The following FRYL variants were observed in gnomAD, a reference collection of about 807,000 sequenced individuals.
FRYL encodes FRY like transcription coactivator.
Under a neutral mutation model 351.2 loss-of-function variants are expected in FRYL, and 150 were observed. The observed-to-expected ratio is 0.43, with a 90% CI of 0.37 to 0.49. The LOEUF is 0.49. Among genes scored for constraint, FRYL ranks in the 20% least tolerant of loss-of-function variants. The pLI is 0.00. For synonymous variants in FRYL, 1,153 were observed against 1,257.1 expected (o/e 0.92, Z 1.75); for missense variants, 3,036 against 3,619.3 (o/e 0.84, Z 4.13).
chr4:48,596,112 T>C, intron 13 of FRYL, 112 bp from the exon 14 acceptor site: 1 of 684,718 alleles, frequency 1.5e-6, no homozygotes, highest in Non-Finnish European at 2.5e-6. Flanking sequence ...CAGTCTAAAA[T>C]AGGTTTAAAT....
At chr4:48,537,640 C>T (rs1729185631) in intron 47 of FRYL, among the ~76,000 whole-genome samples, 2 of 152,106 alleles carry the variant, frequency 1.3e-5, no homozygotes. Flanking sequence ...GTGTGCTGTC[C>T]AACAGGAAGA....
intron 26 of FRYL, chr4:48,571,900 A>T: frequency 1.0e-6 from 1 of 985,182 alleles, no homozygotes; most frequent in Non-Finnish European, 1.2e-6. Context: ...TTCCTTCTGA[A>T]ATTCAGAAGA....
At chr4:48,582,474 G>T in intron 20 of FRYL, 23 bp downstream of exon 20, 1 of 1,465,682 alleles carries the variant, frequency 6.8e-7, no homozygotes, top group Non-Finnish European at 9.6e-7. Context: ...CATACAAAAG[G>T]ACAATAGAAA....
chr4:48,634,517 C>T (rs1263791513), intron 3 of FRYL, 27 bp from the exon 4 acceptor site: 5 of 1,572,858 alleles, frequency 3.2e-6, no homozygotes, highest in Middle Eastern at 1.8e-4. Context: ...CAAAAGAACT[C>T]TACTTTAATA....
At chr4:48,678,557 C>G (rs1056432684) in intron 3 of FRYL, among the ~76,000 whole-genome samples, 1 of 138,710 alleles carries the variant, frequency 7.2e-6, no homozygotes, top group Non-Finnish European at 1.6e-5. Flanking sequence ...TTGATCAGTA[C>G]AAGTACATTG....
chr4:48,591,392 T>C (rs1743210123), intron 16 of FRYL, among the ~76,000 whole-genome samples: 1 of 152,176 alleles, frequency 6.6e-6, no homozygotes, highest in Non-Finnish European at 1.5e-5. Flanking sequence ...ACTGAATATA[T>C]CCCCTTTCTC....
chr4:48,499,470 A>C lies in FRYL; in HGVS notation c.8994T>G (p.Leu2998=), dbSNP rs1719058672. 3.7e-6 allele frequency: 6 copies of C among 1,613,844 alleles called. No individual in the cohort carries two copies. The highest frequency in any genetic ancestry group is 1.3e-5 in the African/African-American group (1 of 74,936). The change falls in exon 64 of 64, where the codon CTT becomes CTG. Residue 2998 remains leucine (L), a synonymous_variant. Coordinates refer to ENST00000358350, the MANE Select transcript of FRYL (RefSeq NM_015030.2). ...TTCCCATTGGTTTGGCCTGTGCTAG[A>C]AGTTGGTATGATTGCACCATGCGTA... ...ESLRMVQSYQ[L]LAQAKPMGNM...
chr4:48,505,371 C>G, intron 60 of FRYL, 176 bp downstream of exon 60: 2 of 577,798 alleles, frequency 3.5e-6, no homozygotes, highest in Non-Finnish European at 3.2e-6. Context: ...GTGAATTTTT[C>G]ATTATGAAAC....
Position 48,582,655 on chromosome 4 carries a change from A to C in FRYL, c.1828T>G (p.Trp610Gly). ...AATCCTGAAAGAACATCCTCCCGCC[A>C]ATCTGGAAAATCAAGCATTAGTGCC... ...LQALMLDFPD[W>G]REDVLSGFVY... is the part of the protein sequence containing the mutation. Residue 610 changes from tryptophan to glycine, a missense_variant, in exon 20 of 64, where the codon TGG (tryptophan) becomes GGG (glycine). Physicochemically the swap from Trp to Gly is radical, Grantham distance 184 (BLOSUM62 -2). Coordinates refer to ENST00000358350, the MANE Select transcript of FRYL (RefSeq NM_015030.2). 1 of 1,614,120 alleles carries C rather than the reference A, an allele frequency of 6.2e-7. No individual in the cohort carries two copies.
At chr4:48,624,622 A>T (rs1712772) in intron 4 of FRYL, among the ~76,000 whole-genome samples, 62,825 of 152,040 alleles carry the variant, frequency 0.41, 14,278 homozygotes, top group Admixed American at 0.56. Context: ...AGTAAAGAAA[A>T]TCTTGGACAA....
At chr4:48,647,119 T>C (rs1386768386) in intron 3 of FRYL, among the ~76,000 whole-genome samples, 1 of 152,076 alleles carries the variant, frequency 6.6e-6, no homozygotes, top group African/African-American at 2.4e-5. Flanking sequence ...TAATTACAGA[T>C]GGAGGCTTTG....
At chr4:48,663,073 CTTTTTGTTTCTCA>C (rs1761091939) in intron 3 of FRYL, among the ~76,000 whole-genome samples, 1 of 151,942 alleles carries the variant, frequency 6.6e-6, no homozygotes, top group Non-Finnish European at 1.5e-5. Flanking sequence ...AGTTAAAATA[CTTTTTGTTTCTCA>C]TTTTAAATGT....
At chr4:48,778,091 G>A (rs1776216215) in intron 1 of FRYL, among the ~76,000 whole-genome samples, 2 of 152,154 alleles carry the variant, frequency 1.3e-5, no homozygotes, top group Admixed American at 6.5e-5. Flanking sequence ...CGGCTACTAC[G>A]GAGCCTGGGG....
At chr4:48,520,970 TGAAAGAAAAG>T in intron 55 of FRYL, 68 bp downstream of exon 55, 1 of 1,064,868 alleles carries the variant, frequency 9.4e-7, no homozygotes, top group Non-Finnish European at 1.3e-6. Context: ...AAAACTTTTT[TGAAAGAAAAG>T]CGGGAGCTAT....
chr4:48,604,095 C>G (rs978162696), intron 11 of FRYL, among the ~76,000 whole-genome samples: 1 of 152,198 alleles, frequency 6.6e-6, no homozygotes, highest in Non-Finnish European at 1.5e-5. Context: ...ATTTTATACA[C>G]TAGTTTATTT....
chr4:48,635,161 G>C (rs1283048138), intron 3 of FRYL, among the ~76,000 whole-genome samples: 1 of 152,204 alleles, frequency 6.6e-6, no homozygotes, highest in East Asian at 1.9e-4. Flanking sequence ...GCAAGTCACA[G>C]AAGATCTTTA....
intron 25 of FRYL, chr4:48,574,478 T>C (rs969895583): frequency 6.6e-6 from 1 of 152,222 alleles, no homozygotes; most frequent in African/African-American, 2.4e-5. Flanking sequence ...TATGGAAATC[T>C]TTAGCAAAAG....
intron 27 of FRYL, among the ~76,000 whole-genome samples, chr4:48,569,709 C>T (rs1157568228): frequency 2.0e-5 from 3 of 152,168 alleles, no homozygotes; most frequent in African/African-American, 7.2e-5. Context: ...TTCAATGCTA[C>T]ATATGAAAGG....
chr4:48,609,490 C>T (rs552650048), intron 8 of FRYL, among the ~76,000 whole-genome samples: 354 of 152,086 alleles, frequency 2.3e-3, no homozygotes, highest in African/African-American at 8.0e-3. Flanking sequence ...AGTGTGGTGG[C>T]GTGCACCTGT....
Sources: allele counts gnomAD v4.1 joint callset (sites outside exome capture counted in the v4.1 genomes callset), GRCh38; gene constraint gnomAD v4.1.1; transcripts MANE v1.5; gene names NCBI Gene and HGNC (gene_info 2026-07-23, HGNC 2026-07-21).